FGF14: variants seen among roughly 807,000 people sequenced by gnomAD.
The protein encoded by FGF14 is fibroblast growth factor 14.
FGF14 carries 5 observed loss-of-function variants against 25.5 expected under a neutral mutation model. The ratio of observed to expected loss-of-function variants is 0.20; its 90% CI spans 0.10 to 0.41. FGF14 has a LOEUF of 0.41. FGF14 is among the 10% of genes least tolerant of loss of function. The pLI is 1.00. For synonymous variants in FGF14, 138 were observed against 118.3 expected, an observed-to-expected ratio of 1.17 and a Z score of -1.08; for missense variants, 222 against 320.1, an observed-to-expected ratio of 0.69 and a Z score of 2.34.
intron 1 of FGF14, among the ~76,000 whole-genome samples, chr13:102,060,382 C>T (rs977814502): frequency 1.3e-5 from 2 of 152,110 alleles, no homozygotes; most frequent in Admixed American, 1.3e-4. Context: ...AAAAATTAGC[C>T]GGGCATGGTG....
chr13:102,195,892 C>CACA lies in FGF14; in HGVS notation c.208+205576_208+205578dup, dbSNP rs1331516780. On this transcript the variant is annotated intron_variant, in intron 1 of 4. Coordinates refer to the FGF14 transcript ENST00000376131. ...CTTACTTTATCAGTAATTATACTAA[C>CACA]ACAGAACATTACATTTGGATAATGA... is the stretch of plus-strand genomic sequence containing the variant. Among the ~76,000 whole-genome samples the CACA allele has an allele frequency of 9.9e-5, 15 of 151,288 alleles. No homozygotes were observed. The East Asian group carries it at 2.9e-3, about 29-fold the overall frequency.
intron 1 of FGF14, among the ~76,000 whole-genome samples, chr13:102,178,823 AT>A (rs1190450344): frequency 6.6e-6 from 1 of 152,096 alleles, no homozygotes; most frequent in East Asian, 1.9e-4. Context: ...GTGTGTATAT[AT>A]ATACCAAAAA....
At chr13:102,180,430 A>G (rs1235953292) in intron 1 of FGF14, among the ~76,000 whole-genome samples, 1 of 151,906 alleles carries the variant, frequency 6.6e-6, no homozygotes, top group Non-Finnish European at 1.5e-5. Flanking sequence ...CTCCTCCCTC[A>G]GCCTCCCGAG....
intron 1 of FGF14, among the ~76,000 whole-genome samples, chr13:102,069,279 A>C (rs1024709009): frequency 2.6e-5 from 4 of 152,120 alleles, no homozygotes; most frequent in Admixed American, 1.3e-4. Context: ...TGTTGGGGAC[A>C]TGGAGAACCT....
chr13:101,911,871 C>T (rs1339452766), intron 1 of FGF14, among the ~76,000 whole-genome samples: 1 of 151,966 alleles, frequency 6.6e-6, no homozygotes, highest in Non-Finnish European at 1.5e-5. Flanking sequence ...AAATATCTTC[C>T]AAAAAATAAA....
intron 1 of FGF14, among the ~76,000 whole-genome samples, chr13:102,186,952 C>G (rs1471492867): frequency 6.6e-6 from 1 of 152,110 alleles, no homozygotes; most frequent in African/African-American, 2.4e-5. Context: ...AGACACACAT[C>G]AGAGTTACAT....
At chr13:102,056,456 T>A (rs980823276) in intron 1 of FGF14, among the ~76,000 whole-genome samples, 1 of 152,194 alleles carries the variant, frequency 6.6e-6, no homozygotes, top group Non-Finnish European at 1.5e-5. Context: ...AAAGACACAT[T>A]AATTAACTTG....
At chr13:101,815,419 C>G (rs1200970395) in intron 3 of FGF14, among the ~76,000 whole-genome samples, 1 of 152,168 alleles carries the variant, frequency 6.6e-6, no homozygotes, top group African/African-American at 2.4e-5. Context: ...TCACAGAGAC[C>G]CTCCAACAGG....
intron 3 of FGF14, among the ~76,000 whole-genome samples, chr13:101,741,622 AT>A (rs2036563242): frequency 7.8e-6 from 1 of 128,154 alleles, no homozygotes; most frequent in African/African-American, 2.7e-5. Flanking sequence ...TTATGCTCAC[AT>A]TTTATTACAG....
At chr13:101,775,770 G>A (rs1180535973) in intron 3 of FGF14, among the ~76,000 whole-genome samples, 1 of 152,116 alleles carries the variant, frequency 6.6e-6, no homozygotes, top group Non-Finnish European at 1.5e-5. Flanking sequence ...TGTTCCCCCT[G>A]ATGCCAGTGT....
chr13:101,758,494 C>T (rs2037799901), intron 3 of FGF14, among the ~76,000 whole-genome samples: 1 of 152,270 alleles, frequency 6.6e-6, no homozygotes, highest in African/African-American at 2.4e-5. Flanking sequence ...TGAGCACTTG[C>T]TAGTAGCTTA....
At chr13:102,037,811 G>A (rs563658866) in intron 1 of FGF14, among the ~76,000 whole-genome samples, 1 of 152,082 alleles carries the variant, frequency 6.6e-6, no homozygotes, top group Non-Finnish European at 1.5e-5. Flanking sequence ...CTGTCCTCAG[G>A]CTTGATAGAC....
intron 1 of FGF14, among the ~76,000 whole-genome samples, chr13:102,273,333 T>G (rs1871839744): frequency 6.6e-6 from 1 of 152,180 alleles, no homozygotes; most frequent in Non-Finnish European, 1.5e-5. Context: ...TGGGACAGAA[T>G]TAATCCACAA....
At chr13:102,197,961 A>G (rs930559564) in intron 1 of FGF14, among the ~76,000 whole-genome samples, 1 of 152,248 alleles carries the variant, frequency 6.6e-6, no homozygotes, top group Admixed American at 6.5e-5. Context: ...CTGAGTAGAA[A>G]TAGCCTCAGA....
chr13:102,056,167 C>T (rs542783560), intron 1 of FGF14, among the ~76,000 whole-genome samples: 1 of 152,292 alleles, frequency 6.6e-6, no homozygotes, highest in African/African-American at 2.4e-5. Flanking sequence ...TCTACAGTTG[C>T]TTTTGCACTA....
chr13:102,067,296 C>G (rs1412788032), intron 1 of FGF14, among the ~76,000 whole-genome samples: 1 of 152,042 alleles, frequency 6.6e-6, no homozygotes, highest in Non-Finnish European at 1.5e-5. Flanking sequence ...CTACAGTGAC[C>G]ACTCAGCTTG....
chr13:102,338,012 C>T (rs1031983606), intron 1 of FGF14, among the ~76,000 whole-genome samples: 1 of 152,006 alleles, frequency 6.6e-6, no homozygotes, highest in African/African-American at 2.4e-5. Flanking sequence ...TTACTGTGCT[C>T]GTCTGCAATA....
intron 3 of FGF14, among the ~76,000 whole-genome samples, chr13:101,738,719 G>A (rs2036341025): frequency 6.6e-6 from 1 of 152,026 alleles, no homozygotes; most frequent in African/African-American, 2.4e-5. Flanking sequence ...CTAAAAATCA[G>A]CAGTGAATTT....
At chr13:101,832,090 C>T (rs1240549125) in intron 3 of FGF14, among the ~76,000 whole-genome samples, 1 of 152,040 alleles carries the variant, frequency 6.6e-6, no homozygotes, top group Non-Finnish European at 1.5e-5. Context: ...AGATTAAGTT[C>T]CATCACATAT....
Sources: allele counts gnomAD v4.1 joint callset (sites outside exome capture counted in the v4.1 genomes callset), GRCh38; gene constraint gnomAD v4.1.1; transcripts MANE v1.5; gene names NCBI Gene and HGNC (gene_info 2026-07-23, HGNC 2026-07-21).